MIA2: variants seen among roughly 807,000 people sequenced by gnomAD.
MIA2 encodes MIA SH3 domain ER export factor 2, also known as melanoma inhibitory activity protein 2.
Under a neutral mutation model 167.8 loss-of-function variants are expected in MIA2, and 127 were observed. The observed-to-expected ratio is 0.76, with a 90% CI of 0.66 to 0.88. The LOEUF (loss-of-function observed/expected upper bound fraction) is 0.88, where lower values mean the gene tolerates loss of function less well. Ranked by LOEUF, MIA2 falls within the 40% of genes least tolerant of loss-of-function variation. The pLI is 0.00. For missense variants in MIA2, 1,690 were observed against 1,624.7 expected (o/e 1.04, Z -0.69); for synonymous variants, 552 against 541.9 (o/e 1.02, Z -0.26).
intron 13 of MIA2, among the ~76,000 whole-genome samples, 166 bp downstream of exon 13, chr14:39,295,195 A>T (rs572526865): frequency 4.6e-5 from 7 of 152,300 alleles, no homozygotes; most frequent in African/African-American, 1.7e-4. Context: ...TTTGTATAGT[A>T]TACAAAAGTG....
intron 25 of MIA2, among the ~76,000 whole-genome samples, chr14:39,342,595 C>T (rs911431906): frequency 3.9e-5 from 6 of 152,144 alleles, no homozygotes; most frequent in African/African-American, 9.7e-5. Context: ...ACACTGACTT[C>T]CACAATGGTT....
chr14:39,342,851 TA>T (rs2072300062), intron 25 of MIA2, among the ~76,000 whole-genome samples: 1 of 152,066 alleles, frequency 6.6e-6, no homozygotes, highest in East Asian at 1.9e-4. Context: ...TAATAATGAT[TA>T]AAAAAAATTA....
chr14:39,386,056 A>AAAAGGCCTACTGT (rs1265885838), intron 23 of MIA2: 11 of 1,222,014 alleles, frequency 9.0e-6, no homozygotes, highest in Middle Eastern at 1.9e-4. Flanking sequence ...TCTTCTTGCA[A>AAAAGGCCTACTGT]AAAGGCCTAC....
chr14:39,280,007 G>T (rs913373756), intron 9 of MIA2, among the ~76,000 whole-genome samples: 7 of 151,724 alleles, frequency 4.6e-5, no homozygotes, highest in Non-Finnish European at 1.5e-5. Context: ...AATAGTCTTT[G>T]ATCCATTTGA....
At chr14:39,352,762 A>G (rs1165522171), downstream of MIA2, among the ~76,000 whole-genome samples, 3 of 152,248 alleles carry the variant, frequency 2.0e-5, no homozygotes, top group South Asian at 2.1e-4. Context: ...TAAATAGACT[A>G]GAAGTGTATA....
At chr14:39,268,309 C>T (rs544675242) in intron 6 of MIA2, among the ~76,000 whole-genome samples, 2 of 152,134 alleles carry the variant, frequency 1.3e-5, no homozygotes, top group South Asian at 2.1e-4. Flanking sequence ...GTAGTGTTGC[C>T]ATGGTGTTTA....
intron 3 of MIA2, among the ~76,000 whole-genome samples, chr14:39,241,396 A>G (rs1216445301): frequency 6.6e-6 from 1 of 152,174 alleles, no homozygotes; most frequent in Non-Finnish European, 1.5e-5. Context: ...TATTTACTGT[A>G]TAATAATTGG....
intron 6 of MIA2, among the ~76,000 whole-genome samples, chr14:39,253,808 T>A (rs2054693386): frequency 6.6e-6 from 1 of 152,198 alleles, no homozygotes; most frequent in Non-Finnish European, 1.5e-5. Flanking sequence ...TATTTTCACT[T>A]GTAAATTTTA....
At chr14:39,249,909 C>T (rs1197840725) in intron 4 of MIA2, among the ~76,000 whole-genome samples, 1 of 152,174 alleles carries the variant, frequency 6.6e-6, no homozygotes, top group Non-Finnish European at 1.5e-5. Flanking sequence ...AATACCTTAA[C>T]ATTCCCTAAA....
rs1198388396 is a variant in MIA2 at position 39,293,449 on chromosome 14, A to T, written c.2319+68A>T. Reference sequence around the variant, plus strand: ...TACTGAGCTTTAAAAAATTAATATGATACTGGTTAAAGTATTACATTATTG... The same window carrying T: ...TACTGAGCTTTAAAAAATTAATATGTTACTGGTTAAAGTATTACATTATTG... On this transcript the variant is annotated intron_variant, in intron 11 of 28. Coordinates refer to ENST00000640607, the MANE Select transcript of MIA2 (RefSeq NM_001329214.4). 11 of 1,065,384 alleles carry T rather than the reference A, an allele frequency of 1.0e-5. No individual in the cohort carries two copies. In the East Asian group the frequency reaches 2.5e-4, roughly 24 times the overall value. The allele number at this position is 1,065,384 out of a possible 1,614,324, so 66.0% of individuals were successfully genotyped here. A position where few individuals can be genotyped will look rare whatever the true frequency, so the allele number is the denominator to read the frequency against.
At chr14:39,295,096 G>A (rs1349839773) in intron 13 of MIA2, 67 bp downstream of exon 13, 3 of 1,089,380 alleles carry the variant, frequency 2.8e-6, no homozygotes, top group Non-Finnish European at 4.3e-6. Context: ...TCATCCTCAT[G>A]ACTGACCCAT....
intron 20 of MIA2, 83 bp downstream of exon 20, chr14:39,314,882 C>A: frequency 9.3e-7 from 1 of 1,070,434 alleles, no homozygotes. Context: ...TGAATTGATG[C>A]AGGAATATAA....
chr14:39,263,403 T>G (rs2055227473), intron 6 of MIA2, among the ~76,000 whole-genome samples: 1 of 151,512 alleles, frequency 6.6e-6, no homozygotes, highest in Non-Finnish European at 1.5e-5. Flanking sequence ...TTTTTTTTTT[T>G]CTAAATTTTT....
intron 9 of MIA2, among the ~76,000 whole-genome samples, chr14:39,282,242 C>T (rs2059059411): frequency 6.6e-6 from 1 of 152,046 alleles, no homozygotes; most frequent in Non-Finnish European, 1.5e-5. Context: ...TTTCAGATAA[C>T]TTTATGTATT....
At chr14:39,267,650 C>A in intron 6 of MIA2, 1 of 1,106,918 alleles carries the variant, frequency 9.0e-7, no homozygotes, top group Non-Finnish European at 1.3e-6. Flanking sequence ...TCCTCGTCTG[C>A]TGCCCGGCTC....
At chr14:39,238,994 G>A (rs1413816698) in intron 2 of MIA2, among the ~76,000 whole-genome samples, 1 of 152,014 alleles carries the variant, frequency 6.6e-6, no homozygotes, top group Non-Finnish European at 1.5e-5. Flanking sequence ...ATGAAAAGGT[G>A]CTATGATAAG....
intron 18 of MIA2, among the ~76,000 whole-genome samples, chr14:39,312,858 T>A (rs1175102648): frequency 6.7e-6 from 1 of 148,400 alleles, no homozygotes; most frequent in Non-Finnish European, 1.5e-5. Context: ...CTACTACTAC[T>A]GTTTACTTTG....
Position 39,293,211 on chromosome 14 carries a change from T to C in MIA2, c.2209-60T>C, listed in dbSNP as rs2060966856. Reference sequence around the variant, plus strand: ...TAGTACATATTTTTTATTATGCTCGTCTGATTTCCCTAATGAAAAATTCTT... The same window carrying C: ...TAGTACATATTTTTTATTATGCTCGCCTGATTTCCCTAATGAAAAATTCTT... On this transcript the variant is annotated intron_variant, in intron 10 of 28. Transcript: ENST00000640607. 2 of 1,130,718 alleles carry C rather than the reference T, an allele frequency of 1.8e-6. 1 individual carries two copies. The highest frequency in any genetic ancestry group is 4.2e-5 in the Admixed American group (2 of 47,912). 70.0% of individuals were successfully genotyped at this position (1,130,718 alleles called of 1,614,324 possible).
chr14:39,382,734 T>C (rs1427911280), intron 23 of MIA2, among the ~76,000 whole-genome samples: 1 of 152,232 alleles, frequency 6.6e-6, no homozygotes, highest in Non-Finnish European at 1.5e-5. Flanking sequence ...CTTGTATGAC[T>C]CTGCTTTCAG....
Sources: gnomAD v4.1 joint callset for allele counts (sites outside exome capture counted in the v4.1 genomes callset) on GRCh38, gnomAD v4.1.1 for gene constraint, MANE v1.5 for transcripts, NCBI Gene and HGNC (gene_info 2026-07-23, HGNC 2026-07-21) for gene names.